The following ZNF709 variants were observed in gnomAD, a reference collection of about 807,000 sequenced individuals.
The protein encoded by ZNF709 is zinc finger protein 709.
ZNF709 carries 15 observed loss-of-function variants against 10.6 expected under a neutral mutation model. The observed-to-expected ratio is 1.41, with a 90% CI of 0.95 to 2.18. ZNF709 has a LOEUF of 2.18. ZNF709 is among the 30% of genes most tolerant of loss of function. The probability of loss-of-function intolerance (pLI) is 0.00; values close to 1 mark genes in which losing one functional copy is unlikely to be tolerated. For synonymous variants in ZNF709, 194 were observed against 238.8 expected (o/e 0.81, Z 1.73); for missense variants, 589 against 774.0 (o/e 0.76, Z 2.84).
chr19:12,469,717 C>T (rs1319387238), intron 1 of ZNF709, among the ~76,000 whole-genome samples: 1 of 151,760 alleles, frequency 6.6e-6, no homozygotes, highest in East Asian at 1.9e-4. Flanking sequence ...TGCAGTGAGC[C>T]GAGATCGCAC....
rs757442648 is a variant in ZNF709, at chr19:12,464,932, A to G, written c.990T>C (p.His330=). Residue 330 remains histidine, a synonymous_variant, in exon 4 of 4, where the codon CAT becomes CAC. Transcript: ENST00000397732. ...PSSFRKHERI[H]TGEKPYDCKE... is the part of the protein sequence containing the mutation. ...TACAATCATAGGGTTTCTCTCCTGT[A>G]TGAATTCTTTCATGTTTTCTAAAGG... The G allele has an allele frequency of 3.1e-6, 5 of 1,605,284 alleles. No homozygotes were observed. Among genetic ancestry groups the G allele is most frequent in the Middle Eastern group, 1.7e-4 (1 of 5,996 alleles).
intron 1 of ZNF709, among the ~76,000 whole-genome samples, chr19:12,475,601 A>G (rs1232618389): frequency 6.6e-6 from 1 of 152,176 alleles, no homozygotes; most frequent in African/African-American, 2.4e-5. Context: ...AGCTAATATC[A>G]TATTTAATAG....
At chr19:12,472,310 T>C (rs1358872344) in intron 1 of ZNF709, among the ~76,000 whole-genome samples, 2 of 151,536 alleles carry the variant, frequency 1.3e-5, no homozygotes, top group Non-Finnish European at 2.9e-5. Context: ...TCACCTAAGG[T>C]CAGGAGTTCA....
rs1432011848 is a variant in ZNF709 at position 12,462,894 on chromosome 19, A to G, written c.*1102T>C. The G allele has an allele frequency of 6.6e-6, 1 of 152,228 alleles. No homozygotes were observed. The highest frequency in any genetic ancestry group is 1.5e-5 in the Non-Finnish European group (1 of 68,036). 9.4% of individuals were successfully genotyped at this position (152,228 alleles called of 1,614,324 possible). On this transcript the variant is annotated 3_prime_UTR_variant, in exon 4 of 4. Transcript: ENST00000397732. ...CTGATTTAATGAAAAAATACTATCAATTCAACTTGTGTACAACTGTATAAG... is the reference window on the plus strand; with the variant it reads ...CTGATTTAATGAAAAAATACTATCAGTTCAACTTGTGTACAACTGTATAAG...
intron 1 of ZNF709, among the ~76,000 whole-genome samples, chr19:12,482,445 A>T (rs914904530): frequency 6.6e-6 from 1 of 152,144 alleles, no homozygotes; most frequent in African/African-American, 2.4e-5. Context: ...TGACAGGGAA[A>T]TCGCCCCTTC....
At chr19:12,484,328 C>G (rs906228662) in intron 1 of ZNF709, among the ~76,000 whole-genome samples, 2 of 152,182 alleles carry the variant, frequency 1.3e-5, no homozygotes, top group African/African-American at 4.8e-5. Flanking sequence ...ACCCCACGAC[C>G]GAGACGGGAT....
chr19:12,467,921 C>A (rs1048762582), intron 1 of ZNF709, among the ~76,000 whole-genome samples: 1 of 151,838 alleles, frequency 6.6e-6, no homozygotes, highest in African/African-American at 2.4e-5. Flanking sequence ...CCACCCCATC[C>A]GGGAGGGAGG....
chr19:12,479,132 A>G (rs1970700075), intron 1 of ZNF709, among the ~76,000 whole-genome samples: 1 of 152,096 alleles, frequency 6.6e-6, no homozygotes, highest in African/African-American at 2.4e-5. Context: ...GTAAGACTCC[A>G]TCACTACAAA....
Position 12,461,788 on chromosome 19 carries a change from G to A in ZNF709, c.*2208C>T, listed in dbSNP as rs1350856658. On this transcript the variant is annotated 3_prime_UTR_variant, in exon 4 of 4. Transcript: ENST00000397732. The stretch of plus-strand genomic sequence containing the variant: ...CATCTTTGAAAATATGGCAGCTGGG[G>A]CCATGCACAGTGGCTCACGCCTGTA... The A allele has an allele frequency of 6.6e-6, 1 of 152,174 alleles. No homozygotes were observed. Among genetic ancestry groups the A allele is most frequent in the Non-Finnish European group, 1.5e-5 (1 of 68,060 alleles). The allele number at this position is 152,174 out of a possible 1,614,324, so 9.4% of individuals were successfully genotyped here.
intron 1 of ZNF709, among the ~76,000 whole-genome samples, chr19:12,483,064 T>C (rs56133960): frequency 0.046 from 6,947 of 152,228 alleles, 159 homozygotes; most frequent in Middle Eastern, 0.085. Context: ...CCTGAGGAAC[T>C]TGCTATACAT....
chr19:12,464,711 G>A lies in ZNF709; in HGVS notation c.1211C>T (p.Ser404Phe), dbSNP rs753408363. ...CKQCGKAFSC[S>F]SSFRMHERTH... Reference sequence around the variant, plus strand: ...TCTTTCATGCATTCGAAAGGAACTGGAACAACTGAAGGCTTTACCACACTG... The same window carrying A: ...TCTTTCATGCATTCGAAAGGAACTGAAACAACTGAAGGCTTTACCACACTG... Residue 404 changes from serine to phenylalanine, a missense_variant, in exon 4 of 4, where the codon TCC becomes TTC. Physicochemically the swap from Ser to Phe is radical, Grantham distance 155 (BLOSUM62 -2). Around this residue, in one of 2 missense-constraint regions of ZNF709, gnomAD observed 418 missense variants for 496.3 expected, o/e 0.84. Transcript: ENST00000397732. 6.2e-7 allele frequency: 1 copy of A among 1,613,724 alleles called. No homozygotes were observed. Among genetic ancestry groups the A allele is most frequent in the African/African-American group, 1.3e-5 (1 of 74,888 alleles).
In ZNF709 at chr19:12,466,916, T is replaced by G. The variant is rs556717224; in HGVS notation, c.4-66A>C. On this transcript the variant is annotated intron_variant, in intron 1 of 3. Coordinates refer to ENST00000397732, the MANE Select transcript of ZNF709 (RefSeq NM_152601.4). ...GACAGCACTGGGGATATAAACTCAG[T>G]TCATTAAAAGTTCATATATAATTTT... is the stretch of plus-strand genomic sequence containing the variant. 47 of 1,527,064 alleles carry G rather than the reference T, an allele frequency of 3.1e-5. No individual in the cohort carries two copies. In the African/African-American group the frequency reaches 4.2e-4, roughly 14 times the overall value. 94.6% of individuals were successfully genotyped at this position (1,527,064 alleles called of 1,614,324 possible).
At position 12,461,303 on chromosome 19, in the gene ZNF709, G is replaced by A. The variant is rs1220178246; in HGVS notation, c.*2693C>T. ...CTAAGAAACATCTACAGAAGCTTTT[G>A]TTCAACAAAAACATACACATGGTTT... On this transcript the variant is annotated 3_prime_UTR_variant, in exon 4 of 4. Coordinates refer to ENST00000397732, the MANE Select transcript of ZNF709 (RefSeq NM_152601.4). 2 of 152,114 alleles carry A rather than the reference G, an allele frequency of 1.3e-5. No homozygotes were observed. Among genetic ancestry groups the A allele is most frequent in the Non-Finnish European group, 2.9e-5 (2 of 67,994 alleles). 9.4% of individuals were successfully genotyped at this position (152,114 alleles called of 1,614,324 possible). A position where few individuals can be genotyped will look rare whatever the true frequency, so the allele number is the denominator to read the frequency against.
chr19:12,464,058 C>T lies in ZNF709; in HGVS notation c.1864G>A (p.Gly622Ser), dbSNP rs1970540826. Residue 622 changes from glycine to serine, a missense_variant, in exon 4 of 4, where the codon GGT becomes AGT. Coordinates refer to ENST00000397732, the MANE Select transcript of ZNF709 (RefSeq NM_152601.4). ...GAACGGGAACACTTGAAGGCTTTAC[C>T]ACATTGTTGACATGCATAGGGTTTC... ...GEKPYACQQCGKAFKCSRSFR... is the reference protein window; with the variant it reads ...GEKPYACQQCSKAFKCSRSFR... 1 of 1,539,920 alleles carries T rather than the reference C, an allele frequency of 6.5e-7. No homozygotes were observed. Among genetic ancestry groups the T allele is most frequent in the Non-Finnish European group, 8.7e-7 (1 of 1,149,222 alleles).
chr19:12,476,622 A>AT (rs1190364478), intron 1 of ZNF709, among the ~76,000 whole-genome samples: 1 of 152,212 alleles, frequency 6.6e-6, no homozygotes, highest in Non-Finnish European at 1.5e-5. Flanking sequence ...AGGTGGGCCA[A>AT]TTTGCAATTA....
chr19:12,470,148 G>A (rs866127071), intron 1 of ZNF709, among the ~76,000 whole-genome samples: 12 of 152,116 alleles, frequency 7.9e-5, no homozygotes, highest in African/African-American at 2.9e-4. Context: ...CGTGAGGTAC[G>A]TGGTGGCATG....
intron 1 of ZNF709, among the ~76,000 whole-genome samples, chr19:12,482,259 A>G (rs1970735793): frequency 6.6e-6 from 1 of 151,722 alleles, no homozygotes; most frequent in Non-Finnish European, 1.5e-5. Flanking sequence ...CTTCTCCACA[A>G]TTCAGAAGGA....
chr19:12,480,832 C>T lies in ZNF709; in HGVS notation c.3+3823G>A, dbSNP rs115413073. Among the ~76,000 whole-genome samples, 852 of 152,148 alleles carry T rather than the reference C, an allele frequency of 5.6e-3. 6 individuals are homozygous for T. The highest frequency in any genetic ancestry group is 0.02 in the African/African-American group (815 of 41,508). ...AATCTGTCGCCCAGGCTGAATGAAG[C>T]ACACTGACTCAATTTTGGCTCACTG... On this transcript the variant is annotated intron_variant, in intron 1 of 3. Transcript: ENST00000397732.
At chr19:12,482,136 A>T (rs1196828023) in intron 1 of ZNF709, among the ~76,000 whole-genome samples, 1 of 100,384 alleles carries the variant, frequency 1.0e-5, no homozygotes. Flanking sequence ...CCACCTCTAA[A>T]ATACACACAC....
Sources: allele counts gnomAD v4.1 joint callset (sites outside exome capture counted in the v4.1 genomes callset), GRCh38; gene constraint gnomAD v4.1.1; regional missense constraint gnomAD v4.1.1; transcripts MANE v1.5; gene names NCBI Gene and HGNC (gene_info 2026-07-23, HGNC 2026-07-21).